The following TBC1D15 variants were observed in gnomAD, a reference collection of about 807,000 sequenced individuals.
TBC1D15 encodes GAP for RAB7.
TBC1D15 carries 39 observed loss-of-function variants against 95.4 expected under a neutral mutation model. The observed-to-expected ratio is 0.41, with a 90% CI of 0.32 to 0.53. TBC1D15 has a LOEUF of 0.53. Among genes scored for constraint, TBC1D15 ranks in the 20% least tolerant of loss-of-function variants. The pLI, the probability that TBC1D15 is intolerant of heterozygous loss-of-function variation, is 0.29. For synonymous variants in TBC1D15, 258 were observed against 261.3 expected (o/e 0.99, Z 0.12); for missense variants, 733 against 794.3 (o/e 0.92, Z 0.93).
At chr12:71,900,591 A>C (rs1899165613) in intron 10 of TBC1D15, among the ~76,000 whole-genome samples, 1 of 152,136 alleles carries the variant, frequency 6.6e-6, no homozygotes, top group Non-Finnish European at 1.5e-5. Flanking sequence ...ATAAGTTATT[A>C]CTTAGTGCCT....
chr12:71,862,770 A>C (rs548615643), intron 1 of TBC1D15, among the ~76,000 whole-genome samples: 1 of 152,246 alleles, frequency 6.6e-6, no homozygotes, highest in East Asian at 1.9e-4. Context: ...TGTAATGGTA[A>C]GATTCGATTC....
chr12:71,844,863 C>T (rs1014927724), intron 1 of TBC1D15, among the ~76,000 whole-genome samples: 3 of 152,198 alleles, frequency 2.0e-5, no homozygotes, highest in Non-Finnish European at 4.4e-5. Flanking sequence ...TAGTCAGACA[C>T]TTTTCCTTGT....
chr12:71,851,150 C>CA (rs1242093723), intron 1 of TBC1D15, among the ~76,000 whole-genome samples: 1 of 151,900 alleles, frequency 6.6e-6, no homozygotes, highest in Non-Finnish European at 1.5e-5. Context: ...TGGTGGAAGG[C>CA]AAAGAACAAG....
At chr12:71,860,090 T>C (rs1173102386) in intron 1 of TBC1D15, among the ~76,000 whole-genome samples, 2 of 152,222 alleles carry the variant, frequency 1.3e-5, no homozygotes, top group Non-Finnish European at 2.9e-5. Context: ...ATTTCTGGGT[T>C]CCTTATTCTC....
chr12:71,889,817 G>A (rs1446565654), intron 5 of TBC1D15, among the ~76,000 whole-genome samples: 1 of 152,100 alleles, frequency 6.6e-6, no homozygotes, highest in Admixed American at 6.6e-5. Flanking sequence ...GTAGGCTCTG[G>A]TGTCTGTTGT....
intron 1 of TBC1D15, chr12:71,861,425 T>G (rs1221269050): frequency 6.7e-7 from 1 of 1,492,480 alleles, no homozygotes; most frequent in Non-Finnish European, 8.9e-7. Flanking sequence ...TCTTCTTGAT[T>G]CAATCTTGAT....
Position 71,917,805 on chromosome 12 carries a change from T to C in TBC1D15, c.1501+8T>C. 5 of 1,577,134 alleles carry C rather than the reference T, an allele frequency of 3.2e-6. No individual in the cohort carries two copies. The highest frequency in any genetic ancestry group is 4.4e-6 in the Non-Finnish European group (5 of 1,147,082). ...GATTTTGCAGTTACTTAGGTAAGTT[T>C]AGTGAATCAGAACTATACCCAGCAA... On this transcript the variant is annotated splice_region_variant and intron_variant, in intron 13 of 16. Coordinates refer to ENST00000485960, the MANE Select transcript of TBC1D15 (RefSeq NM_001146213.3).
At chr12:71,893,935 A>T (rs553961143) in intron 6 of TBC1D15, among the ~76,000 whole-genome samples, 70 of 151,832 alleles carry the variant, frequency 4.6e-4, no homozygotes, top group African/African-American at 1.7e-3. Context: ...GGTTTTGAAG[A>T]TGTAAAGATT....
chr12:71,857,133 TG>T (rs569665539), intron 1 of TBC1D15, among the ~76,000 whole-genome samples: 1 of 151,336 alleles, frequency 6.6e-6, no homozygotes. Flanking sequence ...GAGATGGGGG[TG>T]GGGGGGCATC....
chr12:71,877,972 G>A (rs1894317507), intron 3 of TBC1D15, among the ~76,000 whole-genome samples: 1 of 152,192 alleles, frequency 6.6e-6, no homozygotes, highest in Admixed American at 6.5e-5. Flanking sequence ...TTCTCTGTAG[G>A]TATGGTTAGG....
chr12:71,886,390 G>A (rs552549738), intron 5 of TBC1D15, among the ~76,000 whole-genome samples: 13 of 152,230 alleles, frequency 8.5e-5, no homozygotes, highest in African/African-American at 2.2e-4. Context: ...GGCTGGTCTC[G>A]AACCCCTGAC....
intron 9 of TBC1D15, 73 bp downstream of exon 9, chr12:71,896,853 C>T: frequency 6.2e-6 from 7 of 1,134,904 alleles, no homozygotes; most frequent in Non-Finnish European, 8.7e-6. Flanking sequence ...TATAGGGTTT[C>T]TAGATGAGGA....
chr12:71,854,794 G>C (rs1411199636), intron 1 of TBC1D15: 5 of 456,480 alleles, frequency 1.1e-5, no homozygotes, highest in Admixed American at 2.4e-5. Context: ...GATTCGCTTG[G>C]TGACAGGTGG....
At chr12:71,890,393 C>T (rs1377625288) in intron 5 of TBC1D15, among the ~76,000 whole-genome samples, 1 of 152,158 alleles carries the variant, frequency 6.6e-6, no homozygotes, top group African/African-American at 2.4e-5. Flanking sequence ...GTCACCCCTC[C>T]TGTCTTCTTT....
rs763863480 is a variant in TBC1D15 at position 71,921,916 on chromosome 12, C to G, written c.1803+462C>G. ...ATTTGATGTATTATCTGAATTTGAA[C>G]CAAAGCAGTATACTTTTGATGTGTT... On this transcript the variant is annotated intron_variant, in intron 16 of 16. Coordinates refer to ENST00000485960, the MANE Select transcript of TBC1D15 (RefSeq NM_001146213.3). 7.2e-4 allele frequency among the ~76,000 whole-genome samples: 110 copies of G among 152,108 alleles called. 1 individual carries two copies. Among genetic ancestry groups the G allele is most frequent in the Non-Finnish European group, 1.5e-3 (101 of 68,040 alleles).
In TBC1D15 at chr12:71,862,275, G is replaced by T. The variant is rs12315722; in HGVS notation, c.31-9795G>T. ...TGATCTGTCCAATGCTGAGGGTGGGGTGTTGAAGTCCCCAACTGTTACTGT... is the reference window on the plus strand; with the variant it reads ...TGATCTGTCCAATGCTGAGGGTGGGTTGTTGAAGTCCCCAACTGTTACTGT... On this transcript the variant is annotated intron_variant, in intron 1 of 16. Transcript: ENST00000485960. Among the ~76,000 whole-genome samples the T allele has an allele frequency of 7.9e-3, 1,202 of 152,208 alleles. 19 individuals carry two copies. Among genetic ancestry groups the T allele is most frequent in the African/African-American group, 0.027 (1,131 of 41,508 alleles).
intron 11 of TBC1D15, 49 bp from the exon 12 acceptor site, chr12:71,913,777 G>T: frequency 7.7e-7 from 1 of 1,300,006 alleles, no homozygotes; most frequent in South Asian, 1.3e-5. Context: ...CTTGCAGAAG[G>T]TTACATAAAA....
intron 1 of TBC1D15, among the ~76,000 whole-genome samples, chr12:71,860,126 T>G (rs890170497): frequency 6.6e-6 from 1 of 152,250 alleles, no homozygotes. Flanking sequence ...TATGTTTTTA[T>G]GTCAGCCCCA....
chr12:71,912,827 A>T (rs924149990), intron 11 of TBC1D15, among the ~76,000 whole-genome samples: 2 of 152,240 alleles, frequency 1.3e-5, no homozygotes, highest in South Asian at 4.1e-4. Context: ...CACAAAAGTT[A>T]CCGAAGTTGA....
Sources: gnomAD v4.1 joint callset for allele counts (sites outside exome capture counted in the v4.1 genomes callset) on GRCh38, gnomAD v4.1.1 for gene constraint, MANE v1.5 for transcripts, NCBI Gene and HGNC (gene_info 2026-07-23, HGNC 2026-07-21) for gene names.